The following OCA2 variants were observed in gnomAD, a reference collection of about 807,000 sequenced individuals.
OCA2 encodes the protein OCA2 melanosomal transmembrane protein, also known as P protein.
In OCA2, 77 loss-of-function variants were observed where a neutral mutation model predicts 100.2. The observed-to-expected ratio is 0.77, with a 90% CI of 0.64 to 0.93. The LOEUF (loss-of-function observed/expected upper bound fraction) is 0.93. OCA2 is among the 40% of genes least tolerant of loss of function. The pLI is 0.00. For synonymous variants in OCA2, 432 were observed against 439.2 expected, an observed-to-expected ratio of 0.98 and a Z score of 0.21; for missense variants, 1,062 against 1,089.1, an observed-to-expected ratio of 0.98 and a Z score of 0.35.
the OCA2 span, among the ~76,000 whole-genome samples, chr15:27,726,860 G>A: frequency 6.6e-6 from 1 of 152,368 alleles, no homozygotes; most frequent in Admixed American, 6.5e-5. Flanking sequence ...CCACTGTTGA[G>A]ATGGATCTCC....
At chr15:27,792,841 A>C (rs1566966977) in intron 23 of OCA2, among the ~76,000 whole-genome samples, 1 of 152,222 alleles carries the variant, frequency 6.6e-6, no homozygotes, top group Non-Finnish European at 1.5e-5. Flanking sequence ...GAGAGTCTGC[A>C]CTGAGGACCA....
intron 1 of OCA2, among the ~76,000 whole-genome samples, chr15:28,093,004 A>G (rs2044896474): frequency 6.6e-6 from 1 of 152,210 alleles, no homozygotes; most frequent in Non-Finnish European, 1.5e-5. Flanking sequence ...AACAAAAAAA[A>G]AAGTAAAATG....
At chr15:28,015,539 C>T (rs2042364248) in intron 8 of OCA2, among the ~76,000 whole-genome samples, 1 of 152,104 alleles carries the variant, frequency 6.6e-6, no homozygotes, top group African/African-American at 2.4e-5. Context: ...GACTCCTAAT[C>T]CAGTAGGATG....
chr15:27,840,111 A>T (rs2035292117), intron 23 of OCA2, among the ~76,000 whole-genome samples: 1 of 152,126 alleles, frequency 6.6e-6, no homozygotes, highest in Non-Finnish European at 1.5e-5. Context: ...TTAAACACTT[A>T]TGGCAAATAA....
intron 19 of OCA2, among the ~76,000 whole-genome samples, chr15:27,875,834 G>T (rs1393576481): frequency 6.6e-6 from 1 of 151,696 alleles, no homozygotes; most frequent in African/African-American, 2.4e-5. Context: ...TAGAATATGA[G>T]AATATATTGA....
intron 19 of OCA2, among the ~76,000 whole-genome samples, chr15:27,906,432 G>C (rs2038179398): frequency 6.6e-6 from 1 of 152,054 alleles, no homozygotes; most frequent in Non-Finnish European, 1.5e-5. Flanking sequence ...AAGCAAGTAA[G>C]AGAATAAAAA....
chr15:27,760,749 C>CTA (rs1384154287), intron 23 of OCA2, among the ~76,000 whole-genome samples: 1 of 151,872 alleles, frequency 6.6e-6, no homozygotes, highest in Non-Finnish European at 1.5e-5. Context: ...TTAAATCACC[C>CTA]TATATATATT....
intron 22 of OCA2, among the ~76,000 whole-genome samples, chr15:27,847,010 G>A (rs2035561778): frequency 6.6e-6 from 1 of 152,200 alleles, no homozygotes; most frequent in African/African-American, 2.4e-5. Flanking sequence ...GGTGACACCA[G>A]AGGGGCTGCT....
At chr15:27,872,389 G>A (rs867405944) in intron 19 of OCA2, among the ~76,000 whole-genome samples, 3 of 152,330 alleles carry the variant, frequency 2.0e-5, no homozygotes, top group Non-Finnish European at 1.5e-5. Flanking sequence ...ACTGGCACAT[G>A]TAACTATTTT....
intron 1 of OCA2, among the ~76,000 whole-genome samples, chr15:28,094,726 C>A (rs1381325379): frequency 2.0e-5 from 3 of 152,216 alleles, no homozygotes; most frequent in Non-Finnish European, 4.4e-5. Context: ...GGGGGTGGGC[C>A]CGGGCCCCTC....
rs563998962 is a variant in OCA2, at chr15:27,829,095, C to T, written c.2432+15864G>A. 2.3e-4 allele frequency among the ~76,000 whole-genome samples: 35 copies of T among 152,234 alleles called. 1 individual carries two copies. The South Asian group carries it at 6.6e-3, about 29-fold the overall frequency. ...GGAAAAACCAGGATTCGGATGTGAA[C>T]GGACAGCTTCCACTGACTTGAAGAA... On this transcript the variant is annotated intron_variant, in intron 23 of 23. Transcript: ENST00000354638.
chr15:28,010,978 C>A (rs1453508406), intron 9 of OCA2, among the ~76,000 whole-genome samples: 1 of 152,194 alleles, frequency 6.6e-6, no homozygotes, highest in East Asian at 1.9e-4. Context: ...GGTAGAGGAA[C>A]AGACACATTA....
intron 23 of OCA2, among the ~76,000 whole-genome samples, chr15:27,773,529 A>G (rs574755498): frequency 6.6e-6 from 1 of 152,328 alleles, no homozygotes; most frequent in East Asian, 1.9e-4. Flanking sequence ...AACTATAATA[A>G]TATCAGGTTA....
chr15:27,764,015 G>C (rs1038193910), intron 23 of OCA2, among the ~76,000 whole-genome samples: 3 of 152,016 alleles, frequency 2.0e-5, no homozygotes, highest in African/African-American at 7.2e-5. Context: ...TTGGGGAGTG[G>C]AGAGAGACAG....
intron 9 of OCA2, among the ~76,000 whole-genome samples, chr15:27,997,086 G>GAAAGAAAGAA (rs1022700438): frequency 1.8e-5 from 2 of 113,460 alleles, no homozygotes; most frequent in African/African-American, 7.1e-5. Flanking sequence ...GAAAGAGAGA[G>GAAAGAAAGAA]AAAGAAAGAA....
chr15:27,768,038 G>A (rs1002822181), intron 23 of OCA2, among the ~76,000 whole-genome samples: 3 of 152,162 alleles, frequency 2.0e-5, no homozygotes, highest in East Asian at 1.9e-4. Context: ...AGGAAGGCCC[G>A]GCTTCCAGCT....
chr15:27,894,972 C>T (rs2037626810), intron 19 of OCA2, among the ~76,000 whole-genome samples: 1 of 152,216 alleles, frequency 6.6e-6, no homozygotes, highest in African/African-American at 2.4e-5. Context: ...GTGACATATA[C>T]TTTAGCCCAG....
chr15:28,050,461 T>G (rs1488888095), intron 2 of OCA2, among the ~76,000 whole-genome samples: 1 of 151,296 alleles, frequency 6.6e-6, no homozygotes, highest in Non-Finnish European at 1.5e-5. Flanking sequence ...CTTGGGAGGC[T>G]GAGGCAGGAG....
At chr15:27,822,853 C>T (rs28688261) in intron 23 of OCA2, among the ~76,000 whole-genome samples, 76,546 of 151,712 alleles carry the variant, frequency 0.5, 19,879 homozygotes, top group South Asian at 0.76. Flanking sequence ...TTTTCAGGCC[C>T]TTAATGGTAA....
Sources: allele counts gnomAD v4.1 joint callset (sites outside exome capture counted in the v4.1 genomes callset), GRCh38; gene constraint gnomAD v4.1.1; transcripts MANE v1.5; gene names NCBI Gene and HGNC (gene_info 2026-07-23, HGNC 2026-07-21).